The following ATP5MF variants were observed in gnomAD, a reference collection of about 807,000 sequenced individuals.
The protein encoded by ATP5MF is ATP synthase F(0) complex subunit f, mitochondrial.
A neutral mutation model predicts 13.8 loss-of-function variants in ATP5MF; 10 were observed. The observed-to-expected ratio is 0.72, with a 90% CI of 0.45 to 1.23. The LOEUF is 1.23. Ranked by LOEUF, ATP5MF falls within the 50% of genes most tolerant of loss-of-function variation. The probability of loss-of-function intolerance (pLI) is 0.00; values close to 1 mark genes in which losing one functional copy is unlikely to be tolerated. For missense variants in ATP5MF, 122 were observed against 118.2 expected, an observed-to-expected ratio of 1.03 and a Z score of -0.15; for synonymous variants, 40 against 45.8, an observed-to-expected ratio of 0.87 and a Z score of 0.51.
chr7:99,463,559 C>T (rs1361387368), intron 1 of ATP5MF, among the ~76,000 whole-genome samples: 1 of 152,110 alleles, frequency 6.6e-6, no homozygotes, highest in Non-Finnish European at 1.5e-5. Context: ...AGGAGGATCA[C>T]GAGCTCAGGA....
chr7:99,460,052 T>G (rs1295502204), intron 2 of ATP5MF, 34 bp downstream of exon 2: 2 of 1,573,176 alleles, frequency 1.3e-6, no homozygotes, highest in South Asian at 1.2e-5. Flanking sequence ...CCCAGAGATT[T>G]GCTTTCATTT....
intron 1 of ATP5MF, among the ~76,000 whole-genome samples, chr7:99,464,669 A>G (rs369503227): frequency 3.2e-4 from 48 of 152,018 alleles, no homozygotes; most frequent in African/African-American, 1.1e-3. Flanking sequence ...TCTCAAAAAA[A>G]CAAACCAGAG....
intron 2 of ATP5MF, 97 bp downstream of exon 2, chr7:99,459,989 C>A (rs916160845): frequency 5.4e-5 from 74 of 1,378,952 alleles, no homozygotes; most frequent in Non-Finnish European, 6.9e-5. Context: ...TGCTTTCAGA[C>A]AACAAGGCCT....
intron 2 of ATP5MF, 75 bp from the exon 3 acceptor site, chr7:99,459,338 G>T: frequency 1.8e-6 from 2 of 1,130,948 alleles, no homozygotes; most frequent in Non-Finnish European, 1.3e-6. Flanking sequence ...GTTGAGTCTG[G>T]CTGACATTCA....
chr7:99,458,687 A>G (rs1446083828), intron 3 of ATP5MF, among the ~76,000 whole-genome samples: 5 of 152,006 alleles, frequency 3.3e-5, no homozygotes, highest in Non-Finnish European at 7.4e-5. Context: ...GGGGGTGTAC[A>G]CTACACTGTC....
rs765127044 is a variant in ATP5MF, at chr7:99,459,276, G to A, written c.140-13C>T. 3 of 1,595,716 alleles carry A rather than the reference G, an allele frequency of 1.9e-6. No homozygotes were observed. Among genetic ancestry groups the A allele is most frequent in the Non-Finnish European group, 2.6e-6 (3 of 1,163,238 alleles). The stretch of plus-strand genomic sequence containing the variant: ...TACCGGTAGTAACCTGCAAACGCAA[G>A]AGGCGCTCACTGCCCTGCTGGGCTT... On this transcript the variant is annotated splice_polypyrimidine_tract_variant and intron_variant, in intron 2 of 3. Coordinates refer to ENST00000292475, the MANE Select transcript of ATP5MF (RefSeq NM_004889.5).
In ATP5MF at chr7:99,466,150, C is replaced by T. The variant is rs749502800; in HGVS notation, c.-9G>A. 9 of 1,614,074 alleles carry T rather than the reference C, an allele frequency of 5.6e-6. No individual in the cohort carries two copies. The highest frequency in any genetic ancestry group is 2.7e-5 in the African/African-American group (2 of 74,948). On this transcript the variant is annotated 5_prime_UTR_variant, in exon 1 of 4. Coordinates refer to ENST00000292475, the MANE Select transcript of ATP5MF (RefSeq NM_004889.5). Reference sequence around the variant, plus strand: ...TCACCAACTGACGCCATTTTGGAGTCCTGGTGTCCGCTGTGCCGGACCGCG... The same window carrying T: ...TCACCAACTGACGCCATTTTGGAGTTCTGGTGTCCGCTGTGCCGGACCGCG...
At chr7:99,459,443 C>G (rs772900600) in intron 2 of ATP5MF, among the ~76,000 whole-genome samples, 180 bp from the exon 3 acceptor site, 4 of 152,202 alleles carry the variant, frequency 2.6e-5, no homozygotes, top group Non-Finnish European at 5.9e-5. Flanking sequence ...GTCTCTCATC[C>G]CCATAGCCTG....
intron 1 of ATP5MF, among the ~76,000 whole-genome samples, chr7:99,461,454 A>G (rs1798596865): frequency 6.6e-6 from 1 of 152,174 alleles, no homozygotes; most frequent in South Asian, 2.1e-4. Flanking sequence ...TCTCAAAGAT[A>G]ACCACAAGAG....
chr7:99,465,652 C>A (rs1798837676), intron 1 of ATP5MF, among the ~76,000 whole-genome samples: 1 of 152,182 alleles, frequency 6.6e-6, no homozygotes, highest in African/African-American at 2.4e-5. Flanking sequence ...GGTCACCTCG[C>A]CTCTCTGATT....
At chr7:99,458,378 G>GT in intron 3 of ATP5MF, 23 bp from the exon 4 acceptor site, 1 of 1,601,408 alleles carries the variant, frequency 6.2e-7, no homozygotes, top group Non-Finnish European at 8.5e-7. Flanking sequence ...AGGCAAGATG[G>GT]TAAGTATCTT....
chr7:99,463,021 C>A (rs1410441926), intron 1 of ATP5MF, among the ~76,000 whole-genome samples: 2 of 152,242 alleles, frequency 1.3e-5, no homozygotes, highest in African/African-American at 4.8e-5. Context: ...AGGTACTACT[C>A]CTTCTCAGTT....
chr7:99,460,803 G>A (rs1798565536), intron 1 of ATP5MF, among the ~76,000 whole-genome samples: 1 of 152,132 alleles, frequency 6.6e-6, no homozygotes, highest in Non-Finnish European at 1.5e-5. Context: ...TGTTTACTGG[G>A]GAAGGGCTTC....
chr7:99,463,560 G>A lies in ATP5MF; in HGVS notation c.31+2551C>T, dbSNP rs572566689. On this transcript the variant is annotated intron_variant, in intron 1 of 3. Coordinates refer to ENST00000292475, the MANE Select transcript of ATP5MF (RefSeq NM_004889.5). ...TGGGAGGCCAAGGCAGGAGGATCAC[G>A]AGCTCAGGAGTCTGAGACCAGCCTG... Among the ~76,000 whole-genome samples the A allele has an allele frequency of 5.9e-5, 9 of 152,166 alleles. 1 individual carries two copies. In the South Asian group the frequency reaches 1.7e-3, roughly 28 times the overall value.
intron 1 of ATP5MF, among the ~76,000 whole-genome samples, chr7:99,462,174 C>T (rs1262739860): frequency 1.3e-5 from 2 of 148,794 alleles, no homozygotes; most frequent in East Asian, 2.0e-4. Context: ...CATCAGGGGC[C>T]GGGCACGGTG....
rs1181197974 is a variant in ATP5MF, at chr7:99,460,437, G to A, written c.32-244C>T. ...TAACCAACAGGACGTCTGAGTAACA[G>A]CTTGCTGGGAGTAACTCCAGAAAAG... On this transcript the variant is annotated intron_variant, in intron 1 of 3. Transcript: ENST00000292475. The A allele has an allele frequency of 4.3e-6, 3 of 693,096 alleles. No individual in the cohort carries two copies. The Admixed American group carries it at 5.8e-5, about 13-fold the overall frequency. The allele number at this position is 693,096 out of a possible 1,614,324, so 42.9% of individuals were successfully genotyped here.
At chr7:99,458,716 G>A (rs1468565948) in intron 3 of ATP5MF, among the ~76,000 whole-genome samples, 1 of 152,068 alleles carries the variant, frequency 6.6e-6, no homozygotes, top group African/African-American at 2.4e-5. Context: ...CCTAGTCAGA[G>A]GCTGCCACCG....
intron 3 of ATP5MF, 80 bp downstream of exon 3, chr7:99,459,067 G>A: frequency 9.4e-7 from 1 of 1,065,130 alleles, no homozygotes. Flanking sequence ...TCAGAAGAAG[G>A]TGGGCTGCTG....
At chr7:99,460,391 C>T in intron 1 of ATP5MF, 198 bp from the exon 2 acceptor site, 1 of 728,278 alleles carries the variant, frequency 1.4e-6, no homozygotes, top group South Asian at 1.5e-5. Flanking sequence ...AATAGCAGAA[C>T]TGCTGCAGGG....
Sources: gnomAD v4.1 joint callset for allele counts (sites outside exome capture counted in the v4.1 genomes callset) on GRCh38, gnomAD v4.1.1 for gene constraint, MANE v1.5 for transcripts, NCBI Gene and HGNC (gene_info 2026-07-23, HGNC 2026-07-21) for gene names.